Variants in DPP6 observed in about 807,000 individuals in gnomAD.
DPP6 encodes the protein dipeptidyl peptidase like 6, also known as A-type potassium channel modulatory protein DPP6.
DPP6 carries 69 observed loss-of-function variants against 122.6 expected under a neutral mutation model. The observed-to-expected ratio is 0.56, with a 90% CI of 0.46 to 0.69. DPP6 has a LOEUF of 0.69. Ranked by LOEUF, DPP6 falls within the 30% of genes least tolerant of loss-of-function variation. The pLI is 0.00. For missense variants in DPP6, 928 were observed against 1,116.9 expected (o/e 0.83, Z 2.41); for synonymous variants, 418 against 433.1 (o/e 0.97, Z 0.43).
chr7:154,212,274 A>T (rs1465431007), intron 1 of DPP6, among the ~76,000 whole-genome samples: 1 of 152,180 alleles, frequency 6.6e-6, no homozygotes, highest in East Asian at 1.9e-4. Flanking sequence ...GGCGCTTTCA[A>T]CTTCTTATAC....
intron 7 of DPP6, among the ~76,000 whole-genome samples, chr7:154,707,022 A>G (rs13228368): frequency 6.6e-6 from 1 of 152,170 alleles, no homozygotes; most frequent in Non-Finnish European, 1.5e-5. Context: ...CTTTCTTGGC[A>G]CTACACTCTG....
chr7:154,532,658 C>T (rs542959051), intron 3 of DPP6, among the ~76,000 whole-genome samples: 3 of 151,788 alleles, frequency 2.0e-5, no homozygotes, highest in Non-Finnish European at 4.4e-5. Context: ...GCAGATGCCA[C>T]GATCCTACTA....
At chr7:154,662,481 A>G (rs1359958905) in intron 6 of DPP6, among the ~76,000 whole-genome samples, 5 of 53,000 alleles carry the variant, frequency 9.4e-5, no homozygotes, top group Admixed American at 2.2e-4. Context: ...TAGTGTTCAT[A>G]TAGTCATGGT....
rs1843638044 is a variant in DPP6 at position 154,755,852 on chromosome 7, T to C, written c.884-13565T>C. On this transcript the variant is annotated intron_variant, in intron 8 of 25. Coordinates refer to ENST00000377770, the MANE Select transcript of DPP6 (RefSeq NM_130797.4). This position sits in a 1 kb window ranked among gnomAD's most constrained non-coding sequence, Gnocchi z 4.7. The stretch of plus-strand genomic sequence containing the variant: ...TCGGGAATGTTAGGACAAGGTGGCC[T>C]CTGTCTTCATCGTGTGTCTTGGGTC... Among the ~76,000 whole-genome samples, 1 of 152,196 alleles carries C rather than the reference T, an allele frequency of 6.6e-6. No individual in the cohort carries two copies. The highest frequency in any genetic ancestry group is 1.5e-5 in the Non-Finnish European group (1 of 68,040).
chr7:154,715,478 G>A (rs1020227276), intron 7 of DPP6, among the ~76,000 whole-genome samples: 11 of 152,120 alleles, frequency 7.2e-5, no homozygotes, highest in African/African-American at 2.2e-4. Flanking sequence ...ACAATTTTCC[G>A]ACCTTATCAT....
chr7:154,238,944 G>A (rs1407985169), intron 1 of DPP6, among the ~76,000 whole-genome samples: 5 of 152,100 alleles, frequency 3.3e-5, no homozygotes, highest in Admixed American at 2.6e-4. Flanking sequence ...TTTGATTTGA[G>A]CAACACAAAA....
intron 22 of DPP6, among the ~76,000 whole-genome samples, chr7:154,887,188 C>G (rs751543385): frequency 6.6e-6 from 1 of 152,182 alleles, no homozygotes; most frequent in Non-Finnish European, 1.5e-5. Context: ...TGTGCAGAGC[C>G]CTTTCGGCCC....
In DPP6 at chr7:154,366,090, T is replaced by A. The variant is rs578232294; in HGVS notation, c.244-80124T>A. ...TTGCAGCACCTGGGGTGCTATCTTG[T>A]CACAGCTTATAACCTGCTCCAGAGC... On this transcript the variant is annotated intron_variant, in intron 1 of 25. Transcript: ENST00000377770. Among the ~76,000 whole-genome samples the A allele has an allele frequency of 2.1e-3, 324 of 152,242 alleles. 3 individuals carry two copies. The highest frequency in any genetic ancestry group is 0.019 in the South Asian group (90 of 4,824).
chr7:154,758,135 T>C (rs1028080741), intron 8 of DPP6, among the ~76,000 whole-genome samples: 2 of 152,196 alleles, frequency 1.3e-5, no homozygotes, highest in Non-Finnish European at 2.9e-5. Flanking sequence ...CTGGGAACTG[T>C]AGTTGGCAGT....
intron 1 of DPP6, among the ~76,000 whole-genome samples, chr7:154,429,214 G>C (rs1818160199): frequency 6.7e-6 from 1 of 150,114 alleles, no homozygotes; most frequent in Non-Finnish European, 1.5e-5. Context: ...TCTTATCCTT[G>C]TTTTGATCAA....
intron 1 of DPP6, among the ~76,000 whole-genome samples, chr7:153,954,056 T>C (rs1802343363): frequency 6.6e-6 from 1 of 152,220 alleles, no homozygotes; most frequent in South Asian, 2.1e-4. Flanking sequence ...TTCACGTAAA[T>C]GTCAGCTAAT....
chr7:153,828,595 C>G, the DPP6 span, among the ~76,000 whole-genome samples: 10 of 152,064 alleles, frequency 6.6e-5, no homozygotes, highest in African/African-American at 2.4e-4. Context: ...GAAAGTATAT[C>G]TGATTAAAGA....
chr7:154,589,043 G>C (rs567665086), intron 5 of DPP6, among the ~76,000 whole-genome samples: 1 of 152,270 alleles, frequency 6.6e-6, no homozygotes, highest in South Asian at 2.1e-4. Flanking sequence ...AGGTGTAGTT[G>C]AGTGGGTGTA....
intron 1 of DPP6, among the ~76,000 whole-genome samples, chr7:154,342,636 A>G (rs1473885768): frequency 1.3e-5 from 2 of 152,202 alleles, no homozygotes; most frequent in Non-Finnish European, 2.9e-5. Flanking sequence ...AGAACAGTCA[A>G]TGCCTGTTAT....
upstream of DPP6, among the ~76,000 whole-genome samples, chr7:154,047,649 G>A (rs1231672695): frequency 6.6e-6 from 1 of 151,920 alleles, no homozygotes; most frequent in Non-Finnish European, 1.5e-5. Flanking sequence ...AGGGTGAGAG[G>A]TGATTATTTG....
At chr7:154,399,678 G>A (rs1460700596) in intron 1 of DPP6, among the ~76,000 whole-genome samples, 3 of 152,116 alleles carry the variant, frequency 2.0e-5, no homozygotes, top group Non-Finnish European at 4.4e-5. Context: ...GTCTCTGCAC[G>A]TAAATTACCT....
intron 12 of DPP6, among the ~76,000 whole-genome samples, chr7:154,800,349 G>A (rs181861439): frequency 6.6e-6 from 1 of 152,070 alleles, no homozygotes; most frequent in Non-Finnish European, 1.5e-5. Context: ...TGCCAGCTGG[G>A]GTTTATTTAC....
chr7:153,972,766 T>TC (rs1211243056), intron 1 of DPP6, among the ~76,000 whole-genome samples: 2 of 151,368 alleles, frequency 1.3e-5, no homozygotes, highest in Non-Finnish European at 2.9e-5. Context: ...CTTTTTTTTT[T>TC]TTTGGAATGA....
At chr7:154,723,494 T>C (rs1409516973) in intron 7 of DPP6, among the ~76,000 whole-genome samples, 3 of 151,160 alleles carry the variant, frequency 2.0e-5, no homozygotes, top group African/African-American at 7.3e-5. Flanking sequence ...TAAAACTTAG[T>C]AATACATCTT....
Sources: allele counts gnomAD v4.1 joint callset (sites outside exome capture counted in the v4.1 genomes callset), GRCh38; gene constraint gnomAD v4.1.1; non-coding constraint Gnocchi (gnomAD v3.1); transcripts MANE v1.5; gene names NCBI Gene and HGNC (gene_info 2026-07-23, HGNC 2026-07-21).